The following SLC25A48 variants were observed in gnomAD, a reference collection of about 807,000 sequenced individuals.
The protein encoded by SLC25A48 is solute carrier family 25 member 48.
Under a neutral mutation model 32.2 loss-of-function variants are expected in SLC25A48, and 29 were observed. The observed-to-expected ratio is 0.90, with a 90% CI of 0.67 to 1.23. The LOEUF (loss-of-function observed/expected upper bound fraction) is 1.23, where lower values mean the gene tolerates loss of function less well. SLC25A48 is among the 50% of genes most tolerant of loss of function. SLC25A48 has a pLI of 0.00. For synonymous variants in SLC25A48, 164 were observed against 172.3 expected (o/e 0.95, Z 0.38); for missense variants, 399 against 422.7 (o/e 0.94, Z 0.49).
intron 1 of SLC25A48, among the ~76,000 whole-genome samples, chr5:135,623,096 AGCTACCTATAAACAT>A (rs1752363601): frequency 6.6e-6 from 1 of 152,216 alleles, no homozygotes; most frequent in African/African-American, 2.4e-5. Flanking sequence ...CCATCCTGTT[AGCTACCTATAAACAT>A]GCTGCTCCAG....
intron 4 of SLC25A48, among the ~76,000 whole-genome samples, chr5:135,868,677 T>TACACACAC (rs34148471): frequency 3.5e-4 from 52 of 149,140 alleles, no homozygotes; most frequent in Middle Eastern, 6.9e-3. Context: ...CACACACACA[T>TACACACAC]ACACACACAC....
chr5:135,707,093 G>T (rs1754533807), intron 3 of SLC25A48, among the ~76,000 whole-genome samples: 1 of 152,246 alleles, frequency 6.6e-6, no homozygotes, highest in African/African-American at 2.4e-5. Context: ...GGTGTGGGCG[G>T]CAGGGGCCCC....
intron 7 of SLC25A48, chr5:135,883,462 TC>T: frequency 7.1e-6 from 7 of 985,492 alleles, no homozygotes; most frequent in Non-Finnish European, 8.4e-6. Flanking sequence ...TCACATTGTT[TC>T]TCTGTCAGAT....
intron 3 of SLC25A48, among the ~76,000 whole-genome samples, chr5:135,655,796 T>C (rs1753232195): frequency 1.3e-5 from 2 of 152,256 alleles, no homozygotes; most frequent in Non-Finnish European, 2.9e-5. Flanking sequence ...CTCAGCTACA[T>C]GCATCCTCCC....
chr5:135,792,113 C>G (rs1054027742), intron 3 of SLC25A48, among the ~76,000 whole-genome samples: 1 of 151,774 alleles, frequency 6.6e-6, no homozygotes, highest in Non-Finnish European at 1.5e-5. Flanking sequence ...AGTGTGTACA[C>G]ACCCTGTAAT....
intron 4 of SLC25A48, among the ~76,000 whole-genome samples, chr5:135,829,580 CT>C (rs1758152237): frequency 6.6e-6 from 1 of 151,188 alleles, no homozygotes; most frequent in Admixed American, 6.7e-5. Flanking sequence ...TGTTTTCCCC[CT>C]GATTAAACTG....
intron 4 of SLC25A48, among the ~76,000 whole-genome samples, chr5:135,813,581 G>C (rs997803335): frequency 1.3e-5 from 2 of 152,186 alleles, no homozygotes; most frequent in Non-Finnish European, 2.9e-5. Context: ...ATTATATACA[G>C]CCATGGCTTT....
chr5:135,657,010 G>A (rs1371596521), intron 3 of SLC25A48, among the ~76,000 whole-genome samples: 1 of 152,152 alleles, frequency 6.6e-6, no homozygotes, highest in African/African-American at 2.4e-5. Context: ...CCATCTCAGG[G>A]TGAGCAGTTT....
intron 4 of SLC25A48, among the ~76,000 whole-genome samples, chr5:135,815,865 C>T (rs1352954091): frequency 1.3e-5 from 2 of 152,174 alleles, no homozygotes; most frequent in South Asian, 2.1e-4. Flanking sequence ...AATCTACTCA[C>T]TCTTGTCCCA....
intron 3 of SLC25A48, among the ~76,000 whole-genome samples, chr5:135,691,121 A>G (rs1277930298): frequency 6.6e-6 from 1 of 152,232 alleles, no homozygotes; most frequent in African/African-American, 2.4e-5. Flanking sequence ...CCCGTCACAC[A>G]TTCAGCGCTT....
intron 3 of SLC25A48, among the ~76,000 whole-genome samples, chr5:135,714,476 C>T (rs927092696): frequency 2.0e-5 from 3 of 152,200 alleles, no homozygotes; most frequent in Non-Finnish European, 4.4e-5. Flanking sequence ...CTGGAAGCTC[C>T]ACCCACCATG....
At chr5:135,717,638 G>T (rs1217152711) in intron 3 of SLC25A48, among the ~76,000 whole-genome samples, 3 of 152,208 alleles carry the variant, frequency 2.0e-5, no homozygotes, top group African/African-American at 2.4e-5. Flanking sequence ...AGGGAAAAGT[G>T]TCGCATGATG....
At chr5:135,615,123 A>T (rs184735551) in intron 1 of SLC25A48, among the ~76,000 whole-genome samples, 126 of 152,332 alleles carry the variant, frequency 8.3e-4, no homozygotes, top group Middle Eastern at 3.4e-3. Context: ...AGAACAAACT[A>T]ATATAGAAAA....
chr5:135,878,435 A>G (rs1420721772), intron 6 of SLC25A48, among the ~76,000 whole-genome samples: 1 of 152,234 alleles, frequency 6.6e-6, no homozygotes, highest in Non-Finnish European at 1.5e-5. Context: ...GTTAGACATT[A>G]GAGAAGAGTG....
At chr5:135,747,724 G>A (rs982713065) in intron 3 of SLC25A48, among the ~76,000 whole-genome samples, 44 of 152,150 alleles carry the variant, frequency 2.9e-4, no homozygotes, top group African/African-American at 1.1e-3. Context: ...TTATTAAACT[G>A]CAATGTATCA....
intron 3 of SLC25A48, among the ~76,000 whole-genome samples, chr5:135,713,388 G>C (rs1469922252): frequency 1.3e-5 from 2 of 152,204 alleles, no homozygotes; most frequent in African/African-American, 4.8e-5. Flanking sequence ...TATCAGAGCA[G>C]CTAGACTGAG....
At chr5:135,865,180 A>C (rs1761091755) in intron 4 of SLC25A48, among the ~76,000 whole-genome samples, 1 of 152,198 alleles carries the variant, frequency 6.6e-6, no homozygotes, top group Non-Finnish European at 1.5e-5. Context: ...AATCTCTTGC[A>C]TGGGGTTGTA....
At chr5:135,611,689 G>T (rs570199856) in intron 1 of SLC25A48, among the ~76,000 whole-genome samples, 2 of 152,086 alleles carry the variant, frequency 1.3e-5, no homozygotes, top group African/African-American at 4.8e-5. Context: ...GCCCACCTGG[G>T]TGACAGTGTG....
rs1376266991 is a variant in SLC25A48, at chr5:135,606,482, A to G, written c.-848-22755A>G. 3.9e-5 allele frequency among the ~76,000 whole-genome samples: 6 copies of G among 152,236 alleles called. No individual in the cohort carries two copies. The East Asian group carries it at 1.2e-3, about 29-fold the overall frequency. ...CCAGGTCACAAAGTGACTGTGCTGT[A>G]TCTATGGCAGGCTCTTTTCATCCTT... On this transcript the variant is annotated intron_variant, in intron 1 of 10. Coordinates refer to the SLC25A48 transcript ENST00000646290.
Sources: allele counts gnomAD v4.1 joint callset (sites outside exome capture counted in the v4.1 genomes callset), GRCh38; gene constraint gnomAD v4.1.1; transcripts MANE v1.5; gene names NCBI Gene and HGNC (gene_info 2026-07-23, HGNC 2026-07-21).